The following SCCPDH variants were observed in gnomAD, a reference collection of about 807,000 sequenced individuals.
SCCPDH encodes the protein saccharopine dehydrogenase-like oxidoreductase.
SCCPDH carries 34 observed loss-of-function variants against 51.5 expected under a neutral mutation model. The ratio of observed to expected loss-of-function variants is 0.66; its 90% CI spans 0.50 to 0.88. The LOEUF is 0.88. Ranked by LOEUF, SCCPDH falls within the 40% of genes least tolerant of loss-of-function variation. The pLI, the probability that SCCPDH is intolerant of heterozygous loss-of-function variation, is 0.00. For missense variants in SCCPDH, 464 were observed against 527.1 expected, an observed-to-expected ratio of 0.88 and a Z score of 1.17; for synonymous variants, 187 against 191.3, an observed-to-expected ratio of 0.98 and a Z score of 0.19.
intron 2 of SCCPDH, among the ~76,000 whole-genome samples, chr1:246,733,616 C>T (rs1430913078): frequency 1.3e-5 from 2 of 151,858 alleles, no homozygotes; most frequent in East Asian, 1.9e-4. Context: ...CTAGAGGCTA[C>T]ACATTGAAGC....
chr1:246,756,424 C>T (rs1227516104), intron 5 of SCCPDH, among the ~76,000 whole-genome samples: 1 of 152,164 alleles, frequency 6.6e-6, no homozygotes, highest in Non-Finnish European at 1.5e-5. Context: ...ACGTTGGCTT[C>T]ATAACATACA....
chr1:246,758,133 T>TG, intron 5 of SCCPDH, 93 bp from the exon 6 acceptor site: 4 of 953,012 alleles, frequency 4.2e-6, no homozygotes, highest in Non-Finnish European at 6.2e-6. Flanking sequence ...CAAATATAAG[T>TG]GAAATATTGT....
In SCCPDH at chr1:246,767,458, C is replaced by T; in HGVS notation, c.*158C>T. 1 of 418,488 alleles carries T rather than the reference C, an allele frequency of 2.4e-6. No individual in the cohort carries two copies. The highest frequency in any genetic ancestry group is 4.2e-6 in the Non-Finnish European group (1 of 239,644). 25.9% of individuals were successfully genotyped at this position (418,488 alleles called of 1,614,324 possible). A position where few individuals can be genotyped will look rare whatever the true frequency, so the allele number is the denominator to read the frequency against. ...AAAAGTAGGAAATTGTCCTAGCTTA[C>T]CCTAAATTTCAAATCTGAGTTGATT... On this transcript the variant is annotated 3_prime_UTR_variant, in exon 12 of 12. Coordinates refer to ENST00000366510, the MANE Select transcript of SCCPDH (RefSeq NM_016002.3).
chr1:246,749,663 G>A (rs6426331), intron 5 of SCCPDH, among the ~76,000 whole-genome samples: 73,019 of 151,968 alleles, frequency 0.48, 17,761 homozygotes, highest in Admixed American at 0.51. Context: ...GGGGCCGTCC[G>A]TCCTTGCTCT....
chr1:246,739,172 AG>A (rs1196110154), intron 3 of SCCPDH, among the ~76,000 whole-genome samples: 1 of 152,032 alleles, frequency 6.6e-6, no homozygotes, highest in Non-Finnish European at 1.5e-5. Flanking sequence ...TGGGAGAGGG[AG>A]CATAAATTGA....
rs13274 is a variant in SCCPDH at position 246,767,628 on chromosome 1, G to A, written c.*328G>A. 6,229 of 165,360 alleles carry A rather than the reference G, an allele frequency of 0.038. 426 individuals are homozygous for A. Among genetic ancestry groups the A allele is most frequent in the African/African-American group, 0.14 (5,931 of 41,980 alleles). The allele number at this position is 165,360 out of a possible 1,614,324, so 10.2% of individuals were successfully genotyped here. ...CTGTGTTGCAGCAGCATTCTCATCG[G>A]GGGTGCGCACACCATCGTTACTGTC... is the stretch of plus-strand genomic sequence containing the variant. On this transcript the variant is annotated 3_prime_UTR_variant, in exon 12 of 12. Coordinates refer to ENST00000366510, the MANE Select transcript of SCCPDH (RefSeq NM_016002.3).
At chr1:246,746,107 CAAAAAAA>C (rs756929255) in intron 5 of SCCPDH, among the ~76,000 whole-genome samples, 16 of 79,570 alleles carry the variant, frequency 2.0e-4, no homozygotes, top group East Asian at 8.2e-4. Flanking sequence ...GACTCCATCT[CAAAAAAA>C]AAAAAAAAAA....
At chr1:246,738,782 G>T (rs934994848) in intron 3 of SCCPDH, among the ~76,000 whole-genome samples, 10 of 152,146 alleles carry the variant, frequency 6.6e-5, no homozygotes, top group Non-Finnish European at 1.3e-4. Context: ...GAACCCGCGA[G>T]GTGGAGGTTG....
At chr1:246,758,456 T>A in intron 6 of SCCPDH, 100 bp downstream of exon 6, 1 of 757,028 alleles carries the variant, frequency 1.3e-6, no homozygotes, top group Non-Finnish European at 2.0e-6. Flanking sequence ...GCTTGGAGAC[T>A]AATTTGTAGT....
intron 2 of SCCPDH, among the ~76,000 whole-genome samples, chr1:246,735,712 A>G (rs1225330284): frequency 2.0e-5 from 3 of 152,130 alleles, no homozygotes. Context: ...TTGTATTTTT[A>G]GTCGAGATGG....
intron 5 of SCCPDH, among the ~76,000 whole-genome samples, chr1:246,757,373 C>T (rs533866286): frequency 1.8e-4 from 27 of 146,372 alleles, no homozygotes; most frequent in Non-Finnish European, 3.9e-4. Context: ...AAAGGGCCAG[C>T]GCTGTGATAG....
intron 7 of SCCPDH, 35 bp from the exon 8 acceptor site, chr1:246,759,922 A>T: frequency 1.3e-6 from 2 of 1,593,242 alleles, no homozygotes; most frequent in Non-Finnish European, 1.7e-6. Flanking sequence ...AAATGTAGGG[A>T]GTAATGTTCT....
At position 246,766,080 on chromosome 1, in the gene SCCPDH, C is replaced by G; in HGVS notation, c.1125C>G (p.Pro375=). Residue 375 remains proline (P), a synonymous_variant, in exon 11 of 12, where the codon CCC becomes CCG. Coordinates refer to ENST00000366510, the MANE Select transcript of SCCPDH (RefSeq NM_016002.3). ...KGPEAGYVAT[P]IAMVQAAMTL... is the part of the protein sequence containing the mutation. ...CAGAGGCTGGCTATGTGGCTACCCC[C>G]ATAGCTATGGTTCAGGCAGCCATGA... 3 of 1,613,176 alleles carry G rather than the reference C, an allele frequency of 1.9e-6. No homozygotes were observed. Among genetic ancestry groups the G allele is most frequent in the Non-Finnish European group, 2.5e-6 (3 of 1,179,512 alleles).
chr1:246,728,190 AAG>A (rs1668431961), intron 2 of SCCPDH, among the ~76,000 whole-genome samples: 1 of 152,244 alleles, frequency 6.6e-6, no homozygotes, highest in Non-Finnish European at 1.5e-5. Context: ...TGATCTGAAG[AAG>A]CCATCACAGT....
At position 246,740,220 on chromosome 1, in the gene SCCPDH, G is replaced by A; in HGVS notation, c.433G>A (p.Gly145Arg). ...GTATCATGAGAAAGCTGCAGACAAAGGGGTTTATATCATTGGAAGCAGCGG... is the reference window on the plus strand; with the variant it reads ...GTATCATGAGAAAGCTGCAGACAAAAGGGTTTATATCATTGGAAGCAGCGG... ...LKYHEKAADK[G>R]VYIIGSSGFD... is the part of the protein sequence containing the mutation. Residue 145 changes from glycine to arginine, a missense_variant, in exon 4 of 12, where the codon GGG (glycine) becomes AGG (arginine). Physicochemically the swap from Gly to Arg is moderately radical, Grantham distance 125. Transcript: ENST00000366510. 1 of 1,607,188 alleles carries A rather than the reference G, an allele frequency of 6.2e-7. No homozygotes were observed. The highest frequency in any genetic ancestry group is 8.5e-7 in the Non-Finnish European group (1 of 1,174,880).
intron 3 of SCCPDH, among the ~76,000 whole-genome samples, chr1:246,736,888 C>G (rs755865757): frequency 5.3e-5 from 8 of 152,118 alleles, no homozygotes; most frequent in Admixed American, 2.0e-4. Flanking sequence ...GGGTAGTTAT[C>G]TTCCTCCATT....
intron 4 of SCCPDH, among the ~76,000 whole-genome samples, chr1:246,741,864 T>G (rs959942465): frequency 2.0e-5 from 3 of 152,018 alleles, no homozygotes; most frequent in African/African-American, 7.2e-5. Context: ...GTCAGGAGTT[T>G]GAGACCAGCC....
At chr1:246,744,006 T>A (rs1457069976) in intron 4 of SCCPDH, 70 bp from the exon 5 acceptor site, 1 of 933,040 alleles carries the variant, frequency 1.1e-6, no homozygotes, top group Non-Finnish European at 1.7e-6. Context: ...ACGCATTGTT[T>A]ATTATTACTT....
chr1:246,740,076 C>T, intron 3 of SCCPDH, 96 bp from the exon 4 acceptor site: 2 of 998,404 alleles, frequency 2.0e-6, no homozygotes, highest in Non-Finnish European at 2.9e-6. Flanking sequence ...TTAGCATTTT[C>T]AAAGTTTGGT....
Sources: allele counts gnomAD v4.1 joint callset (sites outside exome capture counted in the v4.1 genomes callset), GRCh38; gene constraint gnomAD v4.1.1; transcripts MANE v1.5; gene names NCBI Gene and HGNC (gene_info 2026-07-23, HGNC 2026-07-21).